DDX10: variants seen among roughly 807,000 people sequenced by gnomAD.
DDX10 encodes probable ATP-dependent RNA helicase DDX10.
DDX10 carries 74 observed loss-of-function variants against 104.3 expected under a neutral mutation model. That is an observed-to-expected ratio of 0.71 (90% confidence interval 0.59 to 0.86). The LOEUF (loss-of-function observed/expected upper bound fraction) is 0.86. Ranked by LOEUF, DDX10 falls within the 40% of genes least tolerant of loss-of-function variation. The pLI, the probability that DDX10 is intolerant of heterozygous loss-of-function variation, is 0.00. For missense variants in DDX10, 952 were observed against 1,040.0 expected (o/e 0.92, Z 1.16); for synonymous variants, 351 against 353.4 (o/e 0.99, Z 0.08).
At chr11:108,788,457 G>A (rs1452208430) in intron 13 of DDX10, among the ~76,000 whole-genome samples, 1 of 152,062 alleles carries the variant, frequency 6.6e-6, no homozygotes, top group Non-Finnish European at 1.5e-5. Context: ...CCATCTCCCA[G>A]ATTCAAGCAT....
chr11:108,853,666 G>A (rs779918835), intron 16 of DDX10, among the ~76,000 whole-genome samples: 2 of 151,802 alleles, frequency 1.3e-5, no homozygotes, highest in Non-Finnish European at 2.9e-5. Flanking sequence ...TGTGTCTGCT[G>A]GGGAAATGAA....
At chr11:108,828,319 C>T (rs565238845) in intron 13 of DDX10, among the ~76,000 whole-genome samples, 23 of 152,158 alleles carry the variant, frequency 1.5e-4, no homozygotes, top group East Asian at 7.8e-4. Flanking sequence ...CCCTTTCCCC[C>T]GAGTCTCCAA....
intron 16 of DDX10, among the ~76,000 whole-genome samples, chr11:108,870,105 T>G (rs948087443): frequency 7.9e-5 from 12 of 152,154 alleles, no homozygotes; most frequent in Non-Finnish European, 1.3e-4. Flanking sequence ...TTCTGTACTA[T>G]CTTTGAAAGT....
At chr11:108,701,153 A>G (rs1012447067) in intron 9 of DDX10, among the ~76,000 whole-genome samples, 8 of 152,032 alleles carry the variant, frequency 5.3e-5, no homozygotes, top group Non-Finnish European at 5.9e-5. Flanking sequence ...TAAATCTAGT[A>G]TAGAATCGTC....
intron 16 of DDX10, among the ~76,000 whole-genome samples, chr11:108,874,878 G>A (rs1207673177): frequency 6.6e-6 from 1 of 151,978 alleles, no homozygotes; most frequent in Non-Finnish European, 1.5e-5. Context: ...TTCCTTTATT[G>A]GTGAAAAAGA....
At position 108,675,619 on chromosome 11, in the gene DDX10, T is replaced by G; in HGVS notation, c.271T>G (p.Leu91Val). 6.2e-7 allele frequency: 1 copy of G among 1,614,108 alleles called. No homozygotes were observed. Among genetic ancestry groups the G allele is most frequent in the Non-Finnish European group, 8.5e-7 (1 of 1,179,976 alleles). The change falls in exon 3 of 18, where the codon TTG becomes GTG. Residue 91 changes from leucine to valine, a missense_variant. By Grantham distance (32) the Leu-to-Val change is conservative. Transcript: ENST00000322536. The part of the protein sequence containing the change: ...LKGLQEAQYR[L>V]VTEIQKQTIG... ...AGGTTTGCAAGAAGCTCAGTACCGT[T>G]TGGTGACTGAGATACAGAAGCAGAC...
intron 5 of DDX10, 24 bp downstream of exon 5, chr11:108,678,459 T>TA (rs761312942): frequency 0.031 from 34,619 of 1,109,372 alleles, 1 homozygote; most frequent in South Asian, 0.04. Flanking sequence ...ATTTCTAATT[T>TA]AAAAAAAAAA....
intron 13 of DDX10, among the ~76,000 whole-genome samples, chr11:108,832,660 G>T (rs1342482093): frequency 2.0e-5 from 3 of 152,228 alleles, no homozygotes; most frequent in Non-Finnish European, 4.4e-5. Context: ...AATATACTTA[G>T]CTGCAGATGC....
rs547942322 is a variant in DDX10, at chr11:108,673,285, G to T, written c.187-182G>T. Among the ~76,000 whole-genome samples, 10 of 152,152 alleles carry T rather than the reference G, an allele frequency of 6.6e-5. No homozygotes were observed. The South Asian group carries it at 1.5e-3, about 22-fold the overall frequency. On this transcript the variant is annotated intron_variant, in intron 1 of 17. Coordinates refer to ENST00000322536, the MANE Select transcript of DDX10 (RefSeq NM_004398.4). ...TTGAAATGCTTACAAATGTATATTC[G>T]ATTCAGGGACAGCCTCTTCAGGGCA... is the stretch of plus-strand genomic sequence containing the variant.
intron 13 of DDX10, among the ~76,000 whole-genome samples, chr11:108,825,441 G>A (rs566798664): frequency 6.6e-6 from 1 of 152,352 alleles, no homozygotes; most frequent in Admixed American, 6.5e-5. Flanking sequence ...TCCTGAAGGA[G>A]GAATGTAGCA....
intron 13 of DDX10, among the ~76,000 whole-genome samples, chr11:108,832,960 G>T (rs1862492368): frequency 6.6e-6 from 1 of 152,214 alleles, no homozygotes; most frequent in African/African-American, 2.4e-5. Context: ...TGATCCTTAG[G>T]AGAGAAACCG....
At chr11:108,665,727 T>C in intron 1 of DDX10, among the ~76,000 whole-genome samples, 1 of 152,120 alleles carries the variant, frequency 6.6e-6, no homozygotes, top group Admixed American at 6.5e-5. Flanking sequence ...ATTTAACAGA[T>C]GAGATAATTG....
At position 108,747,978 on chromosome 11, in the gene DDX10, T is replaced by C. The variant is rs377346770; in HGVS notation, c.1965+24516T>C. Among the ~76,000 whole-genome samples the C allele has an allele frequency of 1.4e-4, 22 of 152,178 alleles. No homozygotes were observed. The East Asian group carries it at 1.7e-3, about 12-fold the overall frequency. On this transcript the variant is annotated intron_variant, in intron 13 of 17. Transcript: ENST00000322536. ...AAAAAAATTGTCTGTGTAGGGGCTT[T>C]TGATATGGTAAAATAAGCTAATAGA...
At chr11:108,858,235 C>G (rs543947415) in intron 16 of DDX10, among the ~76,000 whole-genome samples, 7 of 151,936 alleles carry the variant, frequency 4.6e-5, no homozygotes. Context: ...TCCTTCAGGC[C>G]GACTCATGAC....
chr11:108,826,975 C>A (rs990915934), intron 13 of DDX10, among the ~76,000 whole-genome samples: 2 of 152,176 alleles, frequency 1.3e-5, no homozygotes, highest in African/African-American at 4.8e-5. Context: ...TATGATGCTA[C>A]AATCTTCTAA....
chr11:108,926,273 G>A (rs577113763), intron 17 of DDX10, among the ~76,000 whole-genome samples: 1 of 152,016 alleles, frequency 6.6e-6, no homozygotes, highest in South Asian at 2.1e-4. Context: ...GATGGCATGG[G>A]TGTGCATGTA....
chr11:108,734,097 A>C (rs1181724693), intron 13 of DDX10, among the ~76,000 whole-genome samples: 1 of 151,998 alleles, frequency 6.6e-6, no homozygotes, highest in Non-Finnish European at 1.5e-5. Flanking sequence ...CTATTTTGCT[A>C]GTATTTTTTT....
chr11:108,935,251 G>C (rs1864022166), intron 17 of DDX10, among the ~76,000 whole-genome samples: 1 of 152,058 alleles, frequency 6.6e-6, no homozygotes, highest in Admixed American at 6.6e-5. Context: ...ACAGAAAAGG[G>C]AATTCCAGAT....
chr11:108,852,210 G>A lies in DDX10; in HGVS notation c.2304+1G>A. On this transcript the variant is annotated splice_donor_variant, in intron 16 of 17. Transcript: ENST00000322536. LOFTEE classifies it high-confidence loss of function. ...AGAAGCCAACAAGAGACAAGCAAAG[G>A]TAAGGGTTTATATACATTTATTTTT... 6.2e-7 allele frequency: 1 copy of A among 1,609,518 alleles called. No homozygotes were observed. Among genetic ancestry groups the A allele is most frequent in the Non-Finnish European group, 8.5e-7 (1 of 1,177,094 alleles).
Sources: gnomAD v4.1 joint callset for allele counts (sites outside exome capture counted in the v4.1 genomes callset) on GRCh38, gnomAD v4.1.1 for gene constraint, MANE v1.5 for transcripts, NCBI Gene and HGNC (gene_info 2026-07-23, HGNC 2026-07-21) for gene names.